ERICH6B: variants seen among roughly 807,000 people sequenced by gnomAD.
The protein encoded by ERICH6B is glutamate-rich protein 6B.
In ERICH6B, 69 loss-of-function variants were observed where a neutral mutation model predicts 80.0. The ratio of observed to expected loss-of-function variants is 0.86; its 90% CI spans 0.71 to 1.05. The LOEUF (loss-of-function observed/expected upper bound fraction) is 1.05. Ranked by LOEUF, ERICH6B falls within the 50% of genes least tolerant of loss-of-function variation. The pLI is 0.00. For synonymous variants in ERICH6B, 283 were observed against 291.9 expected, an observed-to-expected ratio of 0.97 and a Z score of 0.31; for missense variants, 754 against 796.1, an observed-to-expected ratio of 0.95 and a Z score of 0.64.
chr13:45,548,591 T>A (rs1443011833), intron 13 of ERICH6B, among the ~76,000 whole-genome samples: 1 of 152,138 alleles, frequency 6.6e-6, no homozygotes. Flanking sequence ...CGTGAAAGGA[T>A]ACACAGGGAC....
chr13:45,543,466 C>T (rs1873868477), intron 14 of ERICH6B, among the ~76,000 whole-genome samples: 1 of 152,184 alleles, frequency 6.6e-6, no homozygotes, highest in African/African-American at 2.4e-5. Flanking sequence ...CTAGATCCAA[C>T]TACTGGTGTC....
chr13:45,556,377 A>G (rs1013858684), intron 11 of ERICH6B, among the ~76,000 whole-genome samples: 2 of 151,980 alleles, frequency 1.3e-5, no homozygotes, highest in Admixed American at 1.3e-4. Flanking sequence ...TTTAGACCTG[A>G]TTATTAGCTC....
At chr13:45,610,857 G>GTGTGTATA (rs147422113) in intron 1 of ERICH6B, among the ~76,000 whole-genome samples, 12 of 146,970 alleles carry the variant, frequency 8.2e-5, no homozygotes, top group Non-Finnish European at 1.5e-4. Context: ...GTGTGTGTGT[G>GTGTGTATA]TATATATATA....
chr13:45,574,533 A>T (rs931548664), intron 8 of ERICH6B, among the ~76,000 whole-genome samples: 1 of 151,990 alleles, frequency 6.6e-6, no homozygotes, highest in Non-Finnish European at 1.5e-5. Flanking sequence ...CAGAGATGGG[A>T]GAGAAACACC....
chr13:45,555,930 G>A (rs1593776885), intron 11 of ERICH6B, among the ~76,000 whole-genome samples: 1 of 149,308 alleles, frequency 6.7e-6, no homozygotes, highest in East Asian at 2.0e-4. Context: ...GGGTGTCCGT[G>A]AGGCAAAGGC....
intron 5 of ERICH6B, 67 bp from the exon 6 acceptor site, chr13:45,580,732 T>A: frequency 6.8e-7 from 1 of 1,472,450 alleles, no homozygotes; most frequent in Non-Finnish European, 9.3e-7. Context: ...GGGTTCATAC[T>A]GGGTATGTGG....
At chr13:45,569,885 T>C (rs1875079329) in intron 8 of ERICH6B, among the ~76,000 whole-genome samples, 1 of 152,206 alleles carries the variant, frequency 6.6e-6, no homozygotes, top group South Asian at 2.1e-4. Flanking sequence ...TTGCTGCCCA[T>C]ATTCCTGCCT....
chr13:45,600,301 C>T (rs1949818298), intron 2 of ERICH6B, among the ~76,000 whole-genome samples: 1 of 152,148 alleles, frequency 6.6e-6, no homozygotes, highest in South Asian at 2.1e-4. Context: ...CAGTCAGGCT[C>T]CTGAACCTTC....
chr13:45,599,633 C>A (rs1949813364), intron 2 of ERICH6B, among the ~76,000 whole-genome samples: 1 of 152,182 alleles, frequency 6.6e-6, no homozygotes, highest in Non-Finnish European at 1.5e-5. Flanking sequence ...CTCAGGTAGA[C>A]TGGAATCTCC....
At chr13:45,549,719 G>A (rs775864440) in intron 13 of ERICH6B, among the ~76,000 whole-genome samples, 174 bp downstream of exon 13, 11 of 152,172 alleles carry the variant, frequency 7.2e-5, no homozygotes, top group Non-Finnish European at 1.0e-4. Flanking sequence ...GAAGAACATC[G>A]TGCCTCCTCT....
intron 10 of ERICH6B, among the ~76,000 whole-genome samples, chr13:45,563,066 T>C (rs895877414): frequency 4.6e-5 from 7 of 152,232 alleles, no homozygotes; most frequent in Non-Finnish European, 1.0e-4. Context: ...GCTTAGTCCC[T>C]TCACTGAAGC....
In ERICH6B at chr13:45,563,786, A is replaced by G. The variant is rs1874798513; in HGVS notation, c.1190T>C (p.Leu397Pro). Residue 397 changes from leucine (L) to proline (P), a missense_variant and splice_region_variant, in exon 10 of 15, where the codon CTG becomes CCG. By Grantham distance (98) the Leu-to-Pro change is moderately conservative. Coordinates refer to ENST00000298738, the MANE Select transcript of ERICH6B (RefSeq NM_182542.3). ...SENRWKLVIM[L>P]KKNYEKFKET... is the part of the protein sequence containing the mutation. ...CTTGAACTTTTCATAATTTTTCTTCAGCCTAAAAGGAAAGTGGATCATCTT... is the reference window on the plus strand; with the variant it reads ...CTTGAACTTTTCATAATTTTTCTTCGGCCTAAAAGGAAAGTGGATCATCTT... The G allele has an allele frequency of 1.3e-6, 2 of 1,552,126 alleles. No individual in the cohort carries two copies. Among genetic ancestry groups the G allele is most frequent in the Non-Finnish European group, 8.7e-7 (1 of 1,147,044 alleles).
intron 1 of ERICH6B, among the ~76,000 whole-genome samples, chr13:45,610,833 C>CTGTG (rs10653696): frequency 8.9e-4 from 131 of 147,466 alleles, no homozygotes; most frequent in African/African-American, 1.5e-3. Flanking sequence ...TGTGGCAGGA[C>CTGTG]TGTGTGTGTG....
At chr13:45,566,839 G>A (rs574024602) in intron 9 of ERICH6B, among the ~76,000 whole-genome samples, 5 of 152,304 alleles carry the variant, frequency 3.3e-5, no homozygotes, top group South Asian at 2.1e-4. Flanking sequence ...GAGGGCCACC[G>A]TCCTCCAGAC....
intron 11 of ERICH6B, chr13:45,551,432 A>ACTCCTCCTTCACATCCTCCTC (rs1874217945): frequency 1.3e-5 from 2 of 151,414 alleles, no homozygotes. Context: ...TCTTCCTCCT[A>ACTCCTCCTTCACATCCTCCTC]CTCCTCCTTC....
chr13:45,555,181 G>A (rs1365290026), intron 11 of ERICH6B, among the ~76,000 whole-genome samples: 1 of 152,164 alleles, frequency 6.6e-6, no homozygotes, highest in African/African-American at 2.4e-5. Context: ...TAGCCTAATC[G>A]GAGCAATAAG....
chr13:45,596,249 TC>T, intron 3 of ERICH6B, 119 bp downstream of exon 3: 2 of 1,269,352 alleles, frequency 1.6e-6, no homozygotes, highest in Non-Finnish European at 2.1e-6. Context: ...AGAGTTACCA[TC>T]CTTTGGGATG....
At position 45,551,563 on chromosome 13, in the gene ERICH6B, T is replaced by G. The variant is rs996797158; in HGVS notation, c.1408-1247A>C. On this transcript the variant is annotated intron_variant, in intron 11 of 14. Transcript: ENST00000298738. ...CTCAGCTCTGCTTAACTTCTGAGAT[T>G]AGACAAGATTGAAAGCATTCAGGGT... 3.3e-4 allele frequency: 51 copies of G among 152,296 alleles called. 1 individual carries two copies. Among genetic ancestry groups the G allele is most frequent in the African/African-American group, 1.0e-3 (43 of 41,548 alleles). 9.4% of individuals were successfully genotyped at this position (152,296 alleles called of 1,614,324 possible).
intron 9 of ERICH6B, among the ~76,000 whole-genome samples, chr13:45,565,492 A>T (rs544948150): frequency 2.0e-3 from 312 of 152,286 alleles, no homozygotes; most frequent in Middle Eastern, 3.4e-3. Context: ...CTGTCTTGCC[A>T]CCCAAATCTT....
Sources: gnomAD v4.1 joint callset for allele counts (sites outside exome capture counted in the v4.1 genomes callset) on GRCh38, gnomAD v4.1.1 for gene constraint, MANE v1.5 for transcripts, NCBI Gene and HGNC (gene_info 2026-07-23, HGNC 2026-07-21) for gene names.